The following PTPRK variants were observed in gnomAD, a reference collection of about 807,000 sequenced individuals.
The protein encoded by PTPRK is protein tyrosine phosphatase receptor type K.
In PTPRK, 75 loss-of-function variants were observed where a neutral mutation model predicts 178.0. The ratio of observed to expected loss-of-function variants is 0.42; its 90% CI spans 0.35 to 0.51. The LOEUF is 0.51. Ranked by LOEUF, PTPRK falls within the 20% of genes least tolerant of loss-of-function variation. The pLI is 0.02. For synonymous variants in PTPRK, 637 were observed against 620.6 expected (o/e 1.03, Z -0.39); for missense variants, 1,441 against 1,797.8 (o/e 0.80, Z 3.59).
At position 128,203,423 on chromosome 6, in the gene PTPRK, G is replaced by C. The variant is rs562952529; in HGVS notation, c.868+15499C>G. On this transcript the variant is annotated intron_variant, in intron 6 of 29. Coordinates refer to ENST00000368226, the MANE Select transcript of PTPRK (RefSeq NM_002844.4). ...ATTCAACATAGTATTGAAAGTTCTG[G>C]CCAGGGCAATCAGGCAAGACAAAGA... Among the ~76,000 whole-genome samples, 2 of 152,126 alleles carry C rather than the reference G, an allele frequency of 1.3e-5. 1 individual carries two copies. Among genetic ancestry groups the C allele is most frequent in the South Asian group, 4.1e-4 (2 of 4,822 alleles).
intron 3 of PTPRK, among the ~76,000 whole-genome samples, chr6:128,310,289 C>T (rs141086271): frequency 9.9e-5 from 15 of 152,248 alleles, no homozygotes; most frequent in Non-Finnish European, 1.6e-4. Flanking sequence ...AACATGAGCT[C>T]TCTCTGAACT....
chr6:127,972,679 T>C (rs1774066519), intron 29 of PTPRK, among the ~76,000 whole-genome samples: 1 of 152,220 alleles, frequency 6.6e-6, no homozygotes, highest in Non-Finnish European at 1.5e-5. Context: ...ATGAAACCTA[T>C]ATCCCTTAGA....
At position 128,322,293 on chromosome 6, in the gene PTPRK, C is replaced by A; in HGVS notation, c.241G>T (p.Asp81Tyr). 1 of 1,587,278 alleles carries A rather than the reference C, an allele frequency of 6.3e-7. No individual in the cohort carries two copies. Among genetic ancestry groups the A allele is most frequent in the South Asian group, 1.1e-5 (1 of 90,448 alleles). Residue 81 changes from aspartate to tyrosine, a missense_variant, in exon 3 of 30, where the codon GAC becomes TAC. Asp to Tyr is a radical substitution (Grantham distance 160). This residue lies in a region of PTPRK where 158 missense variants were observed against 188.0 expected (regional missense o/e 0.84). Transcript: ENST00000368226. Reference protein sequence around the residue: ...EMPQGSYMIVDSSDHDPGEKA... With the variant: ...EMPQGSYMIVYSSDHDPGEKA... The stretch of plus-strand genomic sequence containing the variant: ...TCTCCAGGGTCGTGATCTGAAGAGT[C>A]CACTATCATATAGGAACCTGAAATG...
intron 13 of PTPRK, among the ~76,000 whole-genome samples, chr6:128,046,022 A>G (rs188904812): frequency 2.5e-3 from 374 of 152,304 alleles, no homozygotes; most frequent in Non-Finnish European, 4.1e-3. Flanking sequence ...TGAAACAAAA[A>G]AGAATTTATA....
intron 1 of PTPRK, among the ~76,000 whole-genome samples, chr6:128,427,863 C>A (rs565644965): frequency 6.6e-6 from 1 of 152,066 alleles, no homozygotes; most frequent in Admixed American, 6.6e-5. Context: ...GAGGCTGAGG[C>A]GGGCAGATCA....
intron 2 of PTPRK, among the ~76,000 whole-genome samples, chr6:128,329,081 T>C (rs893375771): frequency 2.0e-5 from 3 of 152,134 alleles, no homozygotes; most frequent in African/African-American, 7.2e-5. Context: ...TGAAAGAGTA[T>C]GAGGGTCTAC....
At chr6:128,438,914 C>T (rs1308983255) in intron 1 of PTPRK, among the ~76,000 whole-genome samples, 1 of 151,512 alleles carries the variant, frequency 6.6e-6, no homozygotes, top group Non-Finnish European at 1.5e-5. Flanking sequence ...CCCATTGAAA[C>T]AGAAGTTTAG....
intron 2 of PTPRK, among the ~76,000 whole-genome samples, chr6:128,330,880 AAAAAC>A (rs796803678): frequency 0.22 from 15,184 of 69,322 alleles, 1,275 homozygotes; most frequent in African/African-American, 0.34. Flanking sequence ...AAACAAAAAC[AAAAAC>A]AAAACAAAAC....
chr6:128,040,169 A>C (rs1776930622), intron 13 of PTPRK, among the ~76,000 whole-genome samples: 1 of 152,082 alleles, frequency 6.6e-6, no homozygotes, highest in Non-Finnish European at 1.5e-5. Context: ...ACATTTTCTT[A>C]TTTGCTCTAG....
chr6:128,500,607 A>G (rs1855408952), intron 1 of PTPRK: 1 of 152,218 alleles, frequency 6.6e-6, no homozygotes, highest in Non-Finnish European at 1.5e-5. Flanking sequence ...GAGAGTTTAT[A>G]TGAACATATG....
intron 3 of PTPRK, among the ~76,000 whole-genome samples, chr6:128,311,660 C>T (rs1221187049): frequency 1.3e-5 from 2 of 151,926 alleles, no homozygotes; most frequent in Non-Finnish European, 2.9e-5. Context: ...TTTTCATGCC[C>T]ACCATAGTAG....
chr6:128,209,937 G>C (rs1337999314), intron 6 of PTPRK, among the ~76,000 whole-genome samples: 1 of 152,114 alleles, frequency 6.6e-6, no homozygotes, highest in Non-Finnish European at 1.5e-5. Flanking sequence ...GCTGTGATGA[G>C]GCAGCTGGAA....
intron 2 of PTPRK, among the ~76,000 whole-genome samples, chr6:128,387,972 C>A (rs1839004849): frequency 6.6e-6 from 1 of 151,606 alleles, no homozygotes; most frequent in African/African-American, 2.4e-5. Flanking sequence ...AGCAAAAAAT[C>A]TCATAATCTT....
At chr6:128,388,266 T>C (rs962148302) in intron 2 of PTPRK, among the ~76,000 whole-genome samples, 80 of 152,168 alleles carry the variant, frequency 5.3e-4, no homozygotes, top group Non-Finnish European at 1.6e-4. Flanking sequence ...CAGGATACTG[T>C]TGTGTCTGAA....
intron 2 of PTPRK, among the ~76,000 whole-genome samples, chr6:128,333,596 C>T (rs1248663532): frequency 6.6e-6 from 1 of 152,048 alleles, no homozygotes; most frequent in Admixed American, 6.5e-5. Flanking sequence ...TATCTTTTTG[C>T]TAGTAGAGGG....
chr6:128,256,446 A>ATTT (rs528110195), intron 3 of PTPRK, among the ~76,000 whole-genome samples: 82 of 142,564 alleles, frequency 5.8e-4, no homozygotes, highest in African/African-American at 2.0e-3. Flanking sequence ...TATGTTCTTC[A>ATTT]TTTTTTTTTT....
At chr6:128,413,594 T>C (rs530517388) in intron 1 of PTPRK, among the ~76,000 whole-genome samples, 2 of 152,292 alleles carry the variant, frequency 1.3e-5, no homozygotes, top group South Asian at 2.1e-4. Context: ...TTGAAATCAC[T>C]GGACTATTCA....
intron 5 of PTPRK, among the ~76,000 whole-genome samples, chr6:128,233,337 C>T (rs180711828): frequency 3.3e-5 from 5 of 152,302 alleles, no homozygotes; most frequent in Admixed American, 1.3e-4. Flanking sequence ...TAGATTCCCA[C>T]TACCATGTGG....
intron 1 of PTPRK, among the ~76,000 whole-genome samples, chr6:128,414,450 A>AT (rs1235864410): frequency 2.0e-5 from 3 of 152,220 alleles, no homozygotes; most frequent in African/African-American, 7.2e-5. Context: ...TTTTTTAAAT[A>AT]TTTTTTGGTA....
Sources: allele counts gnomAD v4.1 joint callset (sites outside exome capture counted in the v4.1 genomes callset), GRCh38; gene constraint gnomAD v4.1.1; regional missense constraint gnomAD v4.1.1; transcripts MANE v1.5; gene names NCBI Gene and HGNC (gene_info 2026-07-23, HGNC 2026-07-21).